The following P3H2 variants were observed in gnomAD, a reference collection of about 807,000 sequenced individuals.
P3H2 encodes the protein leprecan-like 1.
P3H2 carries 80 observed loss-of-function variants against 87.0 expected under a neutral mutation model. The observed-to-expected ratio is 0.92, with a 90% confidence interval of 0.77 to 1.11. The LOEUF (loss-of-function observed/expected upper bound fraction) is 1.11. Ranked by LOEUF, P3H2 falls within the 50% of genes least tolerant of loss-of-function variation. The pLI is 0.00. For missense variants in P3H2, 1,001 were observed against 923.9 expected (o/e 1.08, Z -1.08); for synonymous variants, 367 against 359.3 (o/e 1.02, Z -0.24).
rs1226484888 is a variant in P3H2, at chr3:190,120,584, T to G, written c.148A>C (p.Ser50Arg). ...PLQPFDLLYA[S>R]GAAAYYSGDY... ...CCGCTGTAGTAGGCGGCCGCGCCGC[T>G]GGCGTAGAGCAGGTCGAAGGGCTGC... Residue 50 changes from serine to arginine, a missense_variant, in exon 1 of 15, where the codon AGC becomes CGC. By Grantham distance (110) the Ser-to-Arg change is moderately radical (BLOSUM62 -1). Transcript: ENST00000319332. 1.3e-6 allele frequency: 2 copies of G among 1,542,830 alleles called. No individual in the cohort carries two copies.
chr3:190,037,237 T>C (rs1213744888), intron 1 of P3H2, among the ~76,000 whole-genome samples: 1 of 152,126 alleles, frequency 6.6e-6, no homozygotes, highest in Non-Finnish European at 1.5e-5. Context: ...CTTTTCAACT[T>C]AATTCTAGAA....
At chr3:190,023,986 G>T (rs1725010280) in intron 1 of P3H2, among the ~76,000 whole-genome samples, 1 of 152,074 alleles carries the variant, frequency 6.6e-6, no homozygotes, top group Non-Finnish European at 1.5e-5. Context: ...AACTGTTAGG[G>T]TCCCGTTTCA....
chr3:189,961,826 G>C (rs2108901749), intron 14 of P3H2, among the ~76,000 whole-genome samples: 1 of 152,322 alleles, frequency 6.6e-6, no homozygotes, highest in Non-Finnish European at 1.5e-5. Flanking sequence ...AAGGAGCAAA[G>C]AGAACTTACT....
chr3:190,113,181 C>A (rs80259125), intron 1 of P3H2, among the ~76,000 whole-genome samples: 1,584 of 152,226 alleles, frequency 0.01, 10 homozygotes, highest in South Asian at 0.016. Flanking sequence ...TACATAGAGG[C>A]TGGAAAGAGT....
chr3:190,035,182 G>GT (rs1179326254), intron 1 of P3H2, among the ~76,000 whole-genome samples: 1 of 151,350 alleles, frequency 6.6e-6, no homozygotes, highest in African/African-American at 2.4e-5. Flanking sequence ...CTTTTTTTTG[G>GT]TTTTTTTGTT....
rs189642462 is a variant in P3H2 at position 190,095,670 on chromosome 3, G to A, written c.480+24582C>T. Among the ~76,000 whole-genome samples the A allele has an allele frequency of 4.7e-3, 703 of 149,218 alleles. 5 individuals are homozygous for A. The highest frequency in any genetic ancestry group is 0.016 in the African/African-American group (662 of 40,302). ...GGCTGGAGTGCAGTGGCGTGATCTC[G>A]GCTCACTGCAAGCTCCGCCTCCCGG... On this transcript the variant is annotated intron_variant, in intron 1 of 14. Transcript: ENST00000319332.
rs529301640 is a variant in P3H2 at position 190,083,157 on chromosome 3, A to C, written c.480+37095T>G. Among the ~76,000 whole-genome samples, 4 of 152,276 alleles carry C rather than the reference A, an allele frequency of 2.6e-5. No homozygotes were observed. The East Asian group carries it at 5.8e-4, about 22-fold the overall frequency. On this transcript the variant is annotated intron_variant, in intron 1 of 14. Transcript: ENST00000319332. ...GTCTTGAAAACACAATCATGAAAAT[A>C]ACTTGCCTTTTTTGCCTCTTTAGCC...
At chr3:190,094,906 TG>T (rs1727522084) in intron 1 of P3H2, among the ~76,000 whole-genome samples, 1 of 152,194 alleles carries the variant, frequency 6.6e-6, no homozygotes, top group African/African-American at 2.4e-5. Context: ...TCAGATTTTT[TG>T]ACTGATCATC....
At chr3:190,075,833 C>T (rs985632688) in intron 1 of P3H2, among the ~76,000 whole-genome samples, 3 of 152,182 alleles carry the variant, frequency 2.0e-5, no homozygotes, top group Non-Finnish European at 2.9e-5. Flanking sequence ...ACAGTCACAT[C>T]TGTGTCTACA....
intron 1 of P3H2, among the ~76,000 whole-genome samples, chr3:190,072,199 GA>G (rs1032821989): frequency 3.9e-5 from 6 of 151,922 alleles, no homozygotes; most frequent in African/African-American, 1.5e-4. Context: ...CTAATTTTTT[GA>G]ATTTTTAGTA....
chr3:190,112,642 G>T (rs1479167935), intron 1 of P3H2, among the ~76,000 whole-genome samples: 1 of 152,190 alleles, frequency 6.6e-6, no homozygotes, highest in Non-Finnish European at 1.5e-5. Context: ...GAAATAACTA[G>T]AGGAAACGAT....
chr3:189,969,151 G>T (rs372658328), intron 13 of P3H2: 1 of 610,994 alleles, frequency 1.6e-6, no homozygotes. Context: ...TTCTTTCGGG[G>T]TCTGTAAGTC....
rs138997029 is a variant in P3H2, at chr3:189,994,224, C to T, written c.693G>A (p.Arg231=). ...YEADDFEMAI[R]HFEQALREYF... ...ATTCTCTTAAGGCTTGTTCGAAGTG[C>T]CTGATAGCCATCTCAAAGTCATCAG... The change falls in exon 3 of 15, where the codon AGG becomes AGA. Residue 231 remains arginine, a synonymous_variant. Coordinates refer to ENST00000319332, the MANE Select transcript of P3H2 (RefSeq NM_018192.4). 2.3e-5 allele frequency: 37 copies of T among 1,613,756 alleles called. 1 individual carries two copies. The African/African-American group carries it at 3.5e-4, about 15-fold the overall frequency.
intron 1 of P3H2, among the ~76,000 whole-genome samples, chr3:190,027,373 G>C (rs183533605): frequency 3.3e-5 from 5 of 152,228 alleles, no homozygotes; most frequent in Non-Finnish European, 7.4e-5. Flanking sequence ...CACAGCCAGC[G>C]AATTCCACCA....
chr3:190,062,748 T>C (rs1726372323), intron 1 of P3H2, among the ~76,000 whole-genome samples: 1 of 152,146 alleles, frequency 6.6e-6, no homozygotes, highest in African/African-American at 2.4e-5. Flanking sequence ...TAAAATGGAA[T>C]TAATAATAGT....
At chr3:190,054,125 G>T (rs1577298940) in intron 1 of P3H2, among the ~76,000 whole-genome samples, 1 of 152,218 alleles carries the variant, frequency 6.6e-6, no homozygotes, top group East Asian at 1.9e-4. Flanking sequence ...GACCACTACT[G>T]GAACAGTGAG....
chr3:190,040,758 G>A (rs1036881915), intron 1 of P3H2, among the ~76,000 whole-genome samples: 2 of 151,814 alleles, frequency 1.3e-5, no homozygotes, highest in Non-Finnish European at 2.9e-5. Flanking sequence ...TGAACTCTAT[G>A]CAAAAAATGA....
intron 3 of P3H2, among the ~76,000 whole-genome samples, chr3:189,990,258 C>G (rs1723837722): frequency 6.6e-6 from 1 of 151,774 alleles, no homozygotes; most frequent in South Asian, 2.1e-4. Flanking sequence ...GGTTATTAAC[C>G]CCAGTCAGGG....
At chr3:190,029,023 A>G (rs757766282) in intron 1 of P3H2, among the ~76,000 whole-genome samples, 1 of 152,358 alleles carries the variant, frequency 6.6e-6, no homozygotes, top group African/African-American at 2.4e-5. Flanking sequence ...CTACTAATTC[A>G]AAAAGTCATT....
Sources: gnomAD v4.1 joint callset for allele counts (sites outside exome capture counted in the v4.1 genomes callset) on GRCh38, gnomAD v4.1.1 for gene constraint, MANE v1.5 for transcripts, NCBI Gene and HGNC (gene_info 2026-07-23, HGNC 2026-07-21) for gene names.